TEX22: variants seen among roughly 807,000 people sequenced by gnomAD.
TEX22 encodes the protein testis expressed 22.
TEX22 carries 16 observed loss-of-function variants against 11.3 expected under a neutral mutation model. The observed-to-expected ratio is 1.42, with a 90% CI of 0.96 to 2.15. TEX22 has a LOEUF of 2.15. TEX22 is among the 30% of genes most tolerant of loss of function. TEX22 has a pLI of 0.00. For synonymous variants in TEX22, 97 were observed against 92.3 expected, an observed-to-expected ratio of 1.05 and a Z score of -0.29; for missense variants, 220 against 208.6, an observed-to-expected ratio of 1.05 and a Z score of -0.34.
chr14:105,399,389 C>A lies in TEX22; in HGVS notation c.49C>A (p.Leu17Ile). 6.5e-7 allele frequency: 1 copy of A among 1,535,848 alleles called. No homozygotes were observed. Among genetic ancestry groups the A allele is most frequent in the Non-Finnish European group, 8.7e-7 (1 of 1,146,818 alleles). ...SPRGKKLESH[L>I]SQEHRRPPLG... ...CCGGGGGAAGAAGCTGGAGTCGCAC[C>A]TCTCCCAAGAGCACAGGCGGCCCCC... Residue 17 changes from leucine to isoleucine, a missense_variant, in exon 2 of 4, where the codon CTC (leucine) becomes ATC (isoleucine). Physicochemically the swap from Leu to Ile is conservative, Grantham distance 5. Coordinates refer to ENST00000451127, the MANE Select transcript of TEX22 (RefSeq NM_001195082.2).
intron 2 of TEX22, among the ~76,000 whole-genome samples, chr14:105,403,649 TG>T (rs1749036447): frequency 6.6e-6 from 1 of 152,214 alleles, no homozygotes; most frequent in Admixed American, 6.6e-5. Flanking sequence ...GGTCTTGAAC[TG>T]GGCTCATGTG....
Position 105,399,382 on chromosome 14 carries a change from G to A in TEX22, c.42G>A (p.Glu14=). Residue 14 remains glutamate (E), a synonymous_variant, in exon 2 of 4, where the codon GAG becomes GAA. Transcript: ENST00000451127. ...RKLSPRGKKL[E]SHLSQEHRRP... is the part of the protein sequence containing the mutation. The stretch of plus-strand genomic sequence containing the variant: ...TGTCCCCCCGGGGGAAGAAGCTGGA[G>A]TCGCACCTCTCCCAAGAGCACAGGC... 6.5e-7 allele frequency: 1 copy of A among 1,535,816 alleles called. No homozygotes were observed. Among genetic ancestry groups the A allele is most frequent in the East Asian group, 2.4e-5 (1 of 40,904 alleles).
At position 105,399,332 on chromosome 14, in the gene TEX22, G is replaced by C; in HGVS notation, c.-9G>C. 1.3e-6 allele frequency: 2 copies of C among 1,531,696 alleles called. No individual in the cohort carries two copies. The highest frequency in any genetic ancestry group is 4.9e-5 in the East Asian group (2 of 40,732). The allele number at this position is 1,531,696 out of a possible 1,614,324, so 94.9% of individuals were successfully genotyped here. ...AGAGGTGTGGACAAGCAGCCTACTAGGGCTAGAGATGGACAGCAGGAAACT... is the reference window on the plus strand; with the variant it reads ...AGAGGTGTGGACAAGCAGCCTACTACGGCTAGAGATGGACAGCAGGAAACT... On this transcript the variant is annotated 5_prime_UTR_variant, in exon 2 of 4. Coordinates refer to ENST00000451127, the MANE Select transcript of TEX22 (RefSeq NM_001195082.2).
chr14:105,401,627 A>C (rs587749608), intron 2 of TEX22, among the ~76,000 whole-genome samples: 6 of 151,796 alleles, frequency 4.0e-5, no homozygotes, highest in Non-Finnish European at 8.8e-5. Context: ...GATACACCTA[A>C]TGCTAAATGA....
Position 105,411,625 on chromosome 14 carries a change from G to A in TEX22, c.280-35G>A, listed in dbSNP as rs782418858. ...CGGGCCCCGCCGTTGTCCCCTTCCCGCCCCTCGAGGCTCCCTGACCACCCT... is the reference window on the plus strand; with the variant it reads ...CGGGCCCCGCCGTTGTCCCCTTCCCACCCCTCGAGGCTCCCTGACCACCCT... On this transcript the variant is annotated intron_variant, in intron 3 of 3. Transcript: ENST00000451127. 1.0e-5 allele frequency: 15 copies of A among 1,451,750 alleles called. No homozygotes were observed. The South Asian group carries it at 1.6e-4, about 16-fold the overall frequency. The allele number at this position is 1,451,750 out of a possible 1,614,324, so 89.9% of individuals were successfully genotyped here. A position where few individuals can be genotyped will look rare whatever the true frequency, so the allele number is the denominator to read the frequency against.
In TEX22 at chr14:105,411,510, G is replaced by C. The variant is rs1251266384; in HGVS notation, c.279+14G>C. The C allele has an allele frequency of 9.1e-6, 11 of 1,207,702 alleles. No homozygotes were observed. In the South Asian group the frequency reaches 1.3e-4, roughly 14 times the overall value. 74.8% of individuals were successfully genotyped at this position (1,207,702 alleles called of 1,614,324 possible). On this transcript the variant is annotated intron_variant, in intron 3 of 3. Transcript: ENST00000451127. ...CTGCACTGCAGGGTGCGCGGGGGGC[G>C]GGTCCTCCCCGCCCCGTCCCCGCCC...
chr14:105,402,627 G>C (rs587654754), intron 2 of TEX22, among the ~76,000 whole-genome samples: 80 of 152,004 alleles, frequency 5.3e-4, no homozygotes, highest in African/African-American at 1.9e-3. Flanking sequence ...GTGGTGGCGG[G>C]CGCCTGTAGT....
At chr14:105,407,002 C>T (rs587680055) in intron 2 of TEX22, among the ~76,000 whole-genome samples, 1 of 152,122 alleles carries the variant, frequency 6.6e-6, no homozygotes, top group South Asian at 2.1e-4. Context: ...TTTGACCATA[C>T]CTCACGTTTT....
intron 2 of TEX22, among the ~76,000 whole-genome samples, chr14:105,410,896 C>T (rs2081686094): frequency 6.6e-6 from 1 of 152,226 alleles, no homozygotes; most frequent in Non-Finnish European, 1.5e-5. Flanking sequence ...CTGCCAGGGG[C>T]CCTCCTCCAC....
Position 105,411,516 on chromosome 14 carries a change from TCCCC to T in TEX22, c.279+21_279+24del. 2.8e-6 allele frequency: 3 copies of T among 1,068,432 alleles called. No homozygotes were observed. The highest frequency in any genetic ancestry group is 3.4e-6 in the Non-Finnish European group (3 of 869,676). The allele number at this position is 1,068,432 out of a possible 1,614,324, so 66.2% of individuals were successfully genotyped here. A position where few individuals can be genotyped will look rare whatever the true frequency, so the allele number is the denominator to read the frequency against. Reference sequence around the variant, plus strand: ...TGCAGGGTGCGCGGGGGGCGGGTCCTCCCCGCCCCGTCCCCGCCCCGCCCCGCCC... The same window carrying T: ...TGCAGGGTGCGCGGGGGGCGGGTCCTGCCCCGTCCCCGCCCCGCCCCGCCC... On this transcript the variant is annotated intron_variant, in intron 3 of 3. Transcript: ENST00000451127.
intron 3 of TEX22, 33 bp downstream of exon 3, chr14:105,411,529 C>A: frequency 1.4e-5 from 4 of 288,784 alleles, no homozygotes; most frequent in Non-Finnish European, 2.0e-5. Context: ...CCGCCCCGTC[C>A]CCGCCCCGCC....
chr14:105,403,852 C>CT (rs1272983672), intron 2 of TEX22, among the ~76,000 whole-genome samples: 1 of 152,158 alleles, frequency 6.6e-6, no homozygotes, highest in African/African-American at 2.4e-5. Flanking sequence ...TACTAGTTTA[C>CT]TTTTTAAAAA....
At chr14:105,405,348 C>G (rs1248324589) in intron 2 of TEX22, among the ~76,000 whole-genome samples, 1 of 152,060 alleles carries the variant, frequency 6.6e-6, no homozygotes, top group African/African-American at 2.4e-5. Flanking sequence ...TTTGCCTGCC[C>G]TCACATATTA....
At position 105,399,294 on chromosome 14, in the gene TEX22, A is replaced by ACC; in HGVS notation, c.-39-4_-39-3dup. ...CCCCGCCCCACCTCCCCCTGCTCCT[A>ACC]CCCCCAGATCTCAGAGGTGTGGACA... On this transcript the variant is annotated splice_region_variant and splice_polypyrimidine_tract_variant and intron_variant, in intron 1 of 3. Coordinates refer to ENST00000451127, the MANE Select transcript of TEX22 (RefSeq NM_001195082.2). The ACC allele has an allele frequency of 6.9e-7, 1 of 1,443,218 alleles. No homozygotes were observed. The allele number at this position is 1,443,218 out of a possible 1,614,324, so 89.4% of individuals were successfully genotyped here. A position where few individuals can be genotyped will look rare whatever the true frequency, so the allele number is the denominator to read the frequency against.
rs1474412429 is a variant in TEX22 at position 105,411,706 on chromosome 14, A to G, written c.326A>G (p.Lys109Arg). Residue 109 changes from lysine (K) to arginine (R), a missense_variant, in exon 4 of 4, where the codon AAG becomes AGG. By Grantham distance (26) the Lys-to-Arg change is conservative. Coordinates refer to ENST00000451127, the MANE Select transcript of TEX22 (RefSeq NM_001195082.2). ...CAGCTGGTGTCGGAGGACGTGGACA[A>G]GGACGTGCTCCTTCCCCACCCGCTG... ...VAQLVSEDVD[K>R]DVLLPHPLRS... The G allele has an allele frequency of 5.1e-5, 78 of 1,531,054 alleles. No individual in the cohort carries two copies. Among genetic ancestry groups the G allele is most frequent in the Non-Finnish European group, 5.9e-5 (68 of 1,144,384 alleles). The allele number at this position is 1,531,054 out of a possible 1,614,324, so 94.8% of individuals were successfully genotyped here.
At chr14:105,401,819 T>G (rs1391083835) in intron 2 of TEX22, among the ~76,000 whole-genome samples, 1 of 152,014 alleles carries the variant, frequency 6.6e-6, no homozygotes, top group Non-Finnish European at 1.5e-5. Context: ...GGAGGGGAGC[T>G]CTCAAGAGCT....
At chr14:105,402,672 C>G (rs587716764) in intron 2 of TEX22, among the ~76,000 whole-genome samples, 1 of 149,598 alleles carries the variant, frequency 6.7e-6, no homozygotes, top group South Asian at 2.1e-4. Context: ...AGGAGAATGG[C>G]GTGAACCCGG....
In TEX22 at chr14:105,399,442, G is replaced by A. The variant is rs1220962295; in HGVS notation, c.102G>A (p.Gln34=). ...PPLGLIAAWG[Q]PSIQSSVQQG... Reference sequence around the variant, plus strand: ...TGGGCCTGATAGCAGCCTGGGGCCAGCCCAGTATCCAGAGCAGCGTTCAGC... The same window carrying A: ...TGGGCCTGATAGCAGCCTGGGGCCAACCCAGTATCCAGAGCAGCGTTCAGC... Residue 34 remains glutamine, a synonymous_variant, in exon 2 of 4, where the codon CAG becomes CAA. Coordinates refer to ENST00000451127, the MANE Select transcript of TEX22 (RefSeq NM_001195082.2). 2.0e-6 allele frequency: 3 copies of A among 1,535,680 alleles called. No individual in the cohort carries two copies. The Admixed American group carries it at 5.9e-5, about 30-fold the overall frequency.
chr14:105,411,874 C>G lies in TEX22; in HGVS notation c.*41C>G. 2.2e-6 allele frequency: 3 copies of G among 1,377,668 alleles called. No homozygotes were observed. Among genetic ancestry groups the G allele is most frequent in the Non-Finnish European group, 2.8e-6 (3 of 1,063,704 alleles). 85.3% of individuals were successfully genotyped at this position (1,377,668 alleles called of 1,614,324 possible). ...CATTGTCTGTCTTCCAGTGCCTTTC[C>G]TTGGGGGCCCACGGTGGGGGCAGCC... is the stretch of plus-strand genomic sequence containing the variant. On this transcript the variant is annotated 3_prime_UTR_variant, in exon 4 of 4. Transcript: ENST00000451127.
Sources: allele counts gnomAD v4.1 joint callset (sites outside exome capture counted in the v4.1 genomes callset), GRCh38; gene constraint gnomAD v4.1.1; transcripts MANE v1.5; gene names NCBI Gene and HGNC (gene_info 2026-07-23, HGNC 2026-07-21).